The following FBXO4 variants were observed in gnomAD, a reference collection of about 807,000 sequenced individuals.
FBXO4 encodes the protein F-box only protein 4.
Under a neutral mutation model 43.7 loss-of-function variants are expected in FBXO4, and 36 were observed. The ratio of observed to expected loss-of-function variants is 0.82; its 90% CI spans 0.63 to 1.09. The LOEUF (loss-of-function observed/expected upper bound fraction) is 1.09, where lower values mean the gene tolerates loss of function less well. Among genes scored for constraint, FBXO4 ranks in the 50% least tolerant of loss-of-function variants. The pLI is 0.00. For synonymous variants in FBXO4, 180 were observed against 165.6 expected, an observed-to-expected ratio of 1.09 and a Z score of -0.67; for missense variants, 435 against 474.1, an observed-to-expected ratio of 0.92 and a Z score of 0.77.
chr5:41,948,197 G>A, the FBXO4 span, among the ~76,000 whole-genome samples: 67 of 149,202 alleles, frequency 4.5e-4, no homozygotes, highest in Admixed American at 6.7e-5. Flanking sequence ...GTGCAGTGGC[G>A]CAAACTCAGC....
the FBXO4 span, among the ~76,000 whole-genome samples, chr5:41,947,562 G>A: frequency 2.0e-5 from 3 of 152,222 alleles, no homozygotes; most frequent in Non-Finnish European, 2.9e-5. Flanking sequence ...GAGCCCAGAG[G>A]ATTGTCCAGA....
chr5:42,014,876 T>C, the FBXO4 span, among the ~76,000 whole-genome samples: 1 of 152,138 alleles, frequency 6.6e-6, no homozygotes, highest in Admixed American at 6.6e-5. Flanking sequence ...TTATATTTGT[T>C]TTTACAATTA....
chr5:41,947,402 G>C, the FBXO4 span, among the ~76,000 whole-genome samples: 1 of 152,212 alleles, frequency 6.6e-6, no homozygotes, highest in African/African-American at 2.4e-5. Context: ...AGATTGTTAA[G>C]TAGAAATGAA....
chr5:41,972,096 A>G, the FBXO4 span, among the ~76,000 whole-genome samples: 1 of 152,148 alleles, frequency 6.6e-6, no homozygotes, highest in African/African-American at 2.4e-5. Context: ...CAGAGCAATC[A>G]GTCAAGAGAA....
At chr5:42,013,973 T>C in the FBXO4 span, among the ~76,000 whole-genome samples, 1 of 152,332 alleles carries the variant, frequency 6.6e-6, no homozygotes, top group South Asian at 2.1e-4. Context: ...GATAGAGCTA[T>C]CTTTTTACTG....
chr5:41,990,513 G>T, the FBXO4 span, among the ~76,000 whole-genome samples: 1 of 152,148 alleles, frequency 6.6e-6, no homozygotes, highest in African/African-American at 2.4e-5. Flanking sequence ...ACTTCTCTGA[G>T]AAAATAATGT....
chr5:41,931,735 A>G (rs1331427583), intron 3 of FBXO4, among the ~76,000 whole-genome samples: 1 of 152,240 alleles, frequency 6.6e-6, no homozygotes, highest in Non-Finnish European at 1.5e-5. Flanking sequence ...CGGAGTCCAC[A>G]TGGACTTGGA....
the FBXO4 span, among the ~76,000 whole-genome samples, chr5:41,998,179 G>A: frequency 6.6e-6 from 1 of 152,144 alleles, no homozygotes; most frequent in Non-Finnish European, 1.5e-5. Context: ...TGACGATTGA[G>A]TGCCACCACT....
the FBXO4 span, among the ~76,000 whole-genome samples, chr5:42,035,306 C>T: frequency 2.6e-5 from 4 of 152,116 alleles, no homozygotes; most frequent in South Asian, 2.1e-4. Context: ...TATTTGAATA[C>T]GCTTTATTTC....
At chr5:42,017,463 C>T in the FBXO4 span, among the ~76,000 whole-genome samples, 1 of 150,694 alleles carries the variant, frequency 6.6e-6, no homozygotes, top group Non-Finnish European at 1.5e-5. Flanking sequence ...TTTATTTTAG[C>T]TTTGGAGGTA....
chr5:41,931,430 G>T (rs999491024), intron 3 of FBXO4, among the ~76,000 whole-genome samples: 1 of 152,236 alleles, frequency 6.6e-6, no homozygotes, highest in Non-Finnish European at 1.5e-5. Context: ...GAAGGGGCAG[G>T]TAACAGTAAG....
At chr5:41,991,008 T>C in the FBXO4 span, among the ~76,000 whole-genome samples, 4 of 152,214 alleles carry the variant, frequency 2.6e-5, no homozygotes, top group African/African-American at 4.8e-5. Context: ...AGCCAAAGTC[T>C]AGATGAATTA....
the FBXO4 span, among the ~76,000 whole-genome samples, chr5:41,999,891 A>G: frequency 2.0e-5 from 3 of 151,958 alleles, no homozygotes; most frequent in East Asian, 5.8e-4. Flanking sequence ...CCTCACAGAC[A>G]TACCCAGGAT....
the FBXO4 span, among the ~76,000 whole-genome samples, chr5:42,033,959 T>A: frequency 6.6e-6 from 1 of 152,250 alleles, no homozygotes; most frequent in East Asian, 1.9e-4. Context: ...ATGGTTGAAT[T>A]AATTTACATT....
chr5:41,977,997 A>G, the FBXO4 span, among the ~76,000 whole-genome samples: 2 of 152,204 alleles, frequency 1.3e-5, no homozygotes, highest in Admixed American at 6.5e-5. Context: ...TTATAAAGAA[A>G]ACAGGCTTAA....
At chr5:42,017,497 T>C in the FBXO4 span, among the ~76,000 whole-genome samples, 8 of 152,028 alleles carry the variant, frequency 5.3e-5, no homozygotes, top group Admixed American at 5.3e-4. Flanking sequence ...GTTACTTGGG[T>C]ATATTGCATA....
the FBXO4 span, among the ~76,000 whole-genome samples, chr5:42,022,734 G>A: frequency 6.6e-6 from 1 of 152,046 alleles, no homozygotes; most frequent in African/African-American, 2.4e-5. Context: ...GGGTGGAGAA[G>A]TTGGGAAATA....
the FBXO4 span, among the ~76,000 whole-genome samples, chr5:42,028,391 T>C: frequency 0.012 from 1,797 of 152,050 alleles, 40 homozygotes; most frequent in African/African-American, 0.041. Context: ...TTTCCATCCC[T>C]TTATTTTCAG....
chr5:42,026,632 G>C, the FBXO4 span, among the ~76,000 whole-genome samples: 2 of 151,696 alleles, frequency 1.3e-5, no homozygotes, highest in African/African-American at 4.8e-5. Context: ...CCTTCTTGTT[G>C]TGCTCTGGAT....
Sources: gnomAD v4.1 joint callset for allele counts (sites outside exome capture counted in the v4.1 genomes callset) on GRCh38, gnomAD v4.1.1 for gene constraint, MANE v1.5 for transcripts, NCBI Gene and HGNC (gene_info 2026-07-23, HGNC 2026-07-21) for gene names.